Variants in RNF8 observed in about 807,000 individuals in gnomAD.
RNF8 encodes the protein ring finger protein 8.
In RNF8, 8 loss-of-function variants were observed where a neutral mutation model predicts 59.3. That is an observed-to-expected ratio of 0.13 (90% CI 0.08 to 0.24). The LOEUF is 0.24. Among genes scored for constraint, RNF8 ranks in the 10% least tolerant of loss-of-function variants. RNF8 has a pLI of 1.00. For synonymous variants in RNF8, 162 were observed against 200.0 expected (o/e 0.81, Z 1.60); for missense variants, 406 against 572.6 (o/e 0.71, Z 2.97).
At chr6:37,366,037 G>T (rs915486338) in intron 2 of RNF8, among the ~76,000 whole-genome samples, 25 of 152,110 alleles carry the variant, frequency 1.6e-4, no homozygotes, top group Middle Eastern at 3.2e-3. Flanking sequence ...CTTCTAAAAG[G>T]GCTCTGAAGG....
rs532490626 is a variant in RNF8 at position 37,390,975 on chromosome 6, C to G, written c.*217C>G. ...AAGCACCACCAGGATTCACGGCACC[C>G]AACTGCTTCAGGGTACTTCGTAGAC... On this transcript the variant is annotated 3_prime_UTR_variant, in exon 8 of 8. Transcript: ENST00000373479. 5 of 687,422 alleles carry G rather than the reference C, an allele frequency of 7.3e-6. No individual in the cohort carries two copies. The East Asian group carries it at 1.3e-4, about 18-fold the overall frequency. The allele number at this position is 687,422 out of a possible 1,614,324, so 42.6% of individuals were successfully genotyped here.
intron 1 of RNF8, among the ~76,000 whole-genome samples, chr6:37,354,961 G>T (rs1490713767): frequency 6.6e-6 from 1 of 152,228 alleles, no homozygotes; most frequent in Admixed American, 6.5e-5. Context: ...GGCGGCTTGG[G>T]CTGGGCCACA....
chr6:37,381,864 A>G (rs1018231571), intron 7 of RNF8, among the ~76,000 whole-genome samples: 2 of 152,196 alleles, frequency 1.3e-5, no homozygotes, highest in African/African-American at 4.8e-5. Context: ...GCTGAGCAGG[A>G]CGTGTGTCTG....
chr6:37,389,328 G>A (rs195431), intron 7 of RNF8, among the ~76,000 whole-genome samples: 9,427 of 151,414 alleles, frequency 0.062, 953 homozygotes, highest in African/African-American at 0.21. Flanking sequence ...TGTGGGGGAT[G>A]GTGGAGTCAG....
chr6:37,361,783 G>A (rs1769335270), intron 2 of RNF8, among the ~76,000 whole-genome samples: 1 of 152,196 alleles, frequency 6.6e-6, no homozygotes, highest in African/African-American at 2.4e-5. Context: ...AGTTGGCACT[G>A]TATTGAAGGA....
chr6:37,389,023 T>A (rs983511648), intron 7 of RNF8, among the ~76,000 whole-genome samples: 2 of 152,102 alleles, frequency 1.3e-5, no homozygotes, highest in East Asian at 3.8e-4. Context: ...TACATTGCCC[T>A]ATATTTCTTT....
At position 37,372,848 on chromosome 6, in the gene RNF8, A is replaced by G. The variant is rs1312978032; in HGVS notation, c.1038+1274A>G. ...GCCGGGCGTGGTGGCGCATGCCTGT[A>G]ATCCCAGCTATTCAGGAGGCTGAGG... On this transcript the variant is annotated intron_variant, in intron 4 of 7. Transcript: ENST00000373479. Among the ~76,000 whole-genome samples the G allele has an allele frequency of 2.6e-5, 4 of 152,206 alleles. No homozygotes were observed. In the East Asian group the frequency reaches 7.7e-4, roughly 29 times the overall value.
chr6:37,386,971 C>A (rs1246011819), intron 7 of RNF8, among the ~76,000 whole-genome samples: 4 of 152,212 alleles, frequency 2.6e-5, no homozygotes, highest in Non-Finnish European at 4.4e-5. Flanking sequence ...TTCATACCTA[C>A]TTCCAGGAAT....
chr6:37,364,820 G>A (rs1256609227), intron 2 of RNF8, among the ~76,000 whole-genome samples: 1 of 152,096 alleles, frequency 6.6e-6, no homozygotes, highest in African/African-American at 2.4e-5. Flanking sequence ...GCCCAGGCTG[G>A]AGTGCAATGG....
At position 37,392,614 on chromosome 6, in the gene RNF8, A is replaced by G. The variant is rs530905719; in HGVS notation, c.*1856A>G. On this transcript the variant is annotated 3_prime_UTR_variant, in exon 8 of 8. Transcript: ENST00000373479. ...TGCTTTTTTCAGATATATGTTGGCA[A>G]CAGTTCCATGTCAGTACATAGTTTC... 2 of 398,604 alleles carry G rather than the reference A, an allele frequency of 5.0e-6. No individual in the cohort carries two copies. Among genetic ancestry groups the G allele is most frequent in the Non-Finnish European group, 8.8e-6 (2 of 226,048 alleles). 24.7% of individuals were successfully genotyped at this position (398,604 alleles called of 1,614,324 possible).
rs1202184362 is a variant in RNF8 at position 37,391,504 on chromosome 6, C to T, written c.*746C>T. 2 of 152,226 alleles carry T rather than the reference C, an allele frequency of 1.3e-5. No homozygotes were observed. Among genetic ancestry groups the T allele is most frequent in the East Asian group, 3.8e-4 (2 of 5,202 alleles). 9.4% of individuals were successfully genotyped at this position (152,226 alleles called of 1,614,324 possible). ...AGGGGTGGGAGAAACTCCTTTCCTT[C>T]AGCTGGCATTTGAATGTTTCCAAAT... On this transcript the variant is annotated 3_prime_UTR_variant, in exon 8 of 8. Transcript: ENST00000373479.
intron 7 of RNF8, among the ~76,000 whole-genome samples, chr6:37,382,380 A>C (rs1770308051): frequency 6.6e-6 from 1 of 152,216 alleles, no homozygotes; most frequent in African/African-American, 2.4e-5. Flanking sequence ...CAAGCAAAAC[A>C]CAGAGGCATG....
intron 7 of RNF8, among the ~76,000 whole-genome samples, chr6:37,389,656 G>C (rs913620462): frequency 2.0e-5 from 3 of 151,888 alleles, no homozygotes; most frequent in Non-Finnish European, 4.4e-5. Flanking sequence ...TAGTCTTTAA[G>C]AGGAGAAGTG....
At chr6:37,362,473 C>T (rs1292279389) in intron 2 of RNF8, among the ~76,000 whole-genome samples, 1 of 151,252 alleles carries the variant, frequency 6.6e-6, no homozygotes, top group African/African-American at 2.4e-5. Context: ...TTCTTAACAA[C>T]CTGTTTAAAC....
At chr6:37,377,773 G>T (rs937248226) in intron 6 of RNF8, among the ~76,000 whole-genome samples, 1 of 152,184 alleles carries the variant, frequency 6.6e-6, no homozygotes, top group African/African-American at 2.4e-5. Flanking sequence ...AAACGAGGGG[G>T]TAAACGTCAT....
intron 7 of RNF8, among the ~76,000 whole-genome samples, chr6:37,386,826 A>G (rs1289278206): frequency 6.6e-6 from 1 of 152,192 alleles, no homozygotes; most frequent in African/African-American, 2.4e-5. Context: ...AGCAGGAGAC[A>G]CTTCAGATTG....
In RNF8 at chr6:37,354,190, C is replaced by G. The variant is rs760680035; in HGVS notation, c.26C>G (p.Thr9Arg). The part of the protein sequence containing the change: MGEPGFFV[T>R]GDRAGGRSWC... ...ATGGGGGAGCCCGGCTTCTTCGTCA[C>G]AGGAGACCGCGCCGGTGGCCGGAGC... Residue 9 changes from threonine to arginine, a missense_variant, in exon 1 of 8, where the codon ACA (threonine) becomes AGA (arginine). Thr to Arg is a moderately conservative substitution (Grantham distance 71). Coordinates refer to ENST00000373479, the MANE Select transcript of RNF8 (RefSeq NM_003958.4). The G allele has an allele frequency of 6.3e-7, 1 of 1,583,526 alleles. No individual in the cohort carries two copies. The highest frequency in any genetic ancestry group is 1.8e-5 in the Admixed American group (1 of 55,456).
At position 37,388,010 on chromosome 6, in the gene RNF8, A is replaced by C. The variant is rs568759072; in HGVS notation, c.1442-2732A>C. 4.6e-5 allele frequency among the ~76,000 whole-genome samples: 7 copies of C among 152,266 alleles called. No individual in the cohort carries two copies. In the South Asian group the frequency reaches 1.5e-3, roughly 32 times the overall value. ...GCAGAGTTAGTCTAGGGGCAGGGGG[A>C]AACAGAAGATATGAAGTGGAGATCT... On this transcript the variant is annotated intron_variant, in intron 7 of 7. Transcript: ENST00000373479.
chr6:37,370,823 C>T (rs1395668467), intron 3 of RNF8, among the ~76,000 whole-genome samples: 1 of 151,450 alleles, frequency 6.6e-6, no homozygotes, highest in East Asian at 1.9e-4. Context: ...CAAGATGTTT[C>T]CTGCACACGA....
Sources: allele counts gnomAD v4.1 joint callset (sites outside exome capture counted in the v4.1 genomes callset), GRCh38; gene constraint gnomAD v4.1.1; transcripts MANE v1.5; gene names NCBI Gene and HGNC (gene_info 2026-07-23, HGNC 2026-07-21).